IPO5: variants seen among roughly 807,000 people sequenced by gnomAD.
IPO5 encodes importin-5.
Under a neutral mutation model 143.3 loss-of-function variants are expected in IPO5, and 18 were observed. That is an observed-to-expected ratio of 0.13 (90% CI 0.09 to 0.19). The LOEUF (loss-of-function observed/expected upper bound fraction) is 0.19. Among genes scored for constraint, IPO5 ranks in the 10% least tolerant of loss-of-function variants. The probability of loss-of-function intolerance (pLI) is 1.00; values close to 1 mark genes in which losing one functional copy is unlikely to be tolerated. For synonymous variants in IPO5, 477 were observed against 465.7 expected (o/e 1.02, Z -0.31); for missense variants, 1,013 against 1,336.9 (o/e 0.76, Z 3.78).
chr13:97,981,267 C>T, intron 4 of IPO5: 1 of 456,250 alleles, frequency 2.2e-6, no homozygotes, highest in Non-Finnish European at 4.4e-6. Context: ...AAGTTTGAAA[C>T]CTGTGTAGCA....
Position 97,956,880 on chromosome 13 carries a change from T to G in IPO5, c.-113+2682T>G, listed in dbSNP as rs1042299416. Among the ~76,000 whole-genome samples, 5 of 152,298 alleles carry G rather than the reference T, an allele frequency of 3.3e-5. No individual in the cohort carries two copies. In the East Asian group the frequency reaches 9.7e-4, roughly 29 times the overall value. On this transcript the variant is annotated intron_variant, in intron 2 of 28. Coordinates refer to ENST00000651721, the MANE Select transcript of IPO5 (RefSeq NM_002271.6). ...CGGGACCAAATACCAAAATTCCTAT[T>G]TTAAGCTGTATTAAGATTTTCTAAA...
intron 2 of IPO5, among the ~76,000 whole-genome samples, chr13:97,967,766 G>A (rs1885472044): frequency 6.6e-6 from 1 of 151,978 alleles, no homozygotes; most frequent in East Asian, 1.9e-4. Flanking sequence ...CAAGTAGCTG[G>A]GACTACAGGT....
intron 2 of IPO5, among the ~76,000 whole-genome samples, chr13:97,967,720 C>T (rs1365393289): frequency 3.3e-5 from 5 of 152,090 alleles, no homozygotes; most frequent in Admixed American, 3.3e-4. Flanking sequence ...CAAGCTCCGC[C>T]TCCCGGGTTC....
At chr13:98,017,647 G>A (rs1890215309) in intron 25 of IPO5, among the ~76,000 whole-genome samples, 1 of 152,020 alleles carries the variant, frequency 6.6e-6, no homozygotes, top group African/African-American at 2.4e-5. Context: ...AAATTGAACA[G>A]GAGGTACAGA....
chr13:97,993,055 C>T, intron 10 of IPO5, 41 bp downstream of exon 10: 1 of 1,611,014 alleles, frequency 6.2e-7, no homozygotes, highest in South Asian at 1.1e-5. Flanking sequence ...TTGTTATTTT[C>T]AGGGACTAAT....
Position 97,962,405 on chromosome 13 carries a change from T to A in IPO5, c.-112-7318T>A, listed in dbSNP as rs1884963991. Among the ~76,000 whole-genome samples, 3 of 152,200 alleles carry A rather than the reference T, an allele frequency of 2.0e-5. 1 individual carries two copies. The highest frequency in any genetic ancestry group is 2.0e-4 in the Admixed American group (3 of 15,276). The stretch of plus-strand genomic sequence containing the variant: ...ACTTTGAAGTTTTTATGACGTGAAG[T>A]ATGGGTCCAGCTTCATTCTAACGCA... On this transcript the variant is annotated intron_variant, in intron 2 of 28. Transcript: ENST00000651721.
chr13:97,973,084 C>T (rs925516185), intron 3 of IPO5, among the ~76,000 whole-genome samples: 2 of 140,556 alleles, frequency 1.4e-5, no homozygotes, highest in Non-Finnish European at 3.0e-5. Flanking sequence ...ACTCTGTCAC[C>T]CATGCTGTAG....
In IPO5 at chr13:98,014,099, G is replaced by A. The variant is rs750385684; in HGVS notation, c.2210G>A (p.Arg737His). The A allele has an allele frequency of 2.5e-6, 4 of 1,613,918 alleles. No homozygotes were observed. Among genetic ancestry groups the A allele is most frequent in the South Asian group, 1.1e-5 (1 of 91,070 alleles). The change falls in exon 22 of 29, where the codon CGT becomes CAT. Residue 737 changes from arginine to histidine, a missense_variant. Transcript: ENST00000651721. ...CTTCTCCTGGAGTGTGCAAGAGTCC[G>A]TGGTCCTGAGTATCTCACACAGATG... ...MPLLLECARVRGPEYLTQMWH... is the reference protein window; with the variant it reads ...MPLLLECARVHGPEYLTQMWH...
intron 11 of IPO5, among the ~76,000 whole-genome samples, 180 bp downstream of exon 11, chr13:97,993,405 G>T (rs1454414363): frequency 6.6e-6 from 1 of 152,212 alleles, no homozygotes; most frequent in Non-Finnish European, 1.5e-5. Context: ...TTGTGGTTAT[G>T]CCTTTAAGAC....
Position 98,024,076 on chromosome 13 carries a change from T to A in IPO5, c.*2254T>A, listed in dbSNP as rs1890638060. The A allele has an allele frequency of 6.6e-6, 1 of 152,218 alleles. No homozygotes were observed. The highest frequency in any genetic ancestry group is 2.1e-4 in the South Asian group (1 of 4,834). 9.4% of individuals were successfully genotyped at this position (152,218 alleles called of 1,614,324 possible). The stretch of plus-strand genomic sequence containing the variant: ...GGAGGGGAAAAATGTGTGTGGCTCT[T>A]ACGTTTTCTGGGAATTTTGTAACAA... On this transcript the variant is annotated 3_prime_UTR_variant, in exon 29 of 29. Transcript: ENST00000651721.
intron 21 of IPO5, 65 bp from the exon 22 acceptor site, chr13:98,013,977 C>A: frequency 1.4e-6 from 2 of 1,421,914 alleles, no homozygotes; most frequent in African/African-American, 1.4e-5. Flanking sequence ...CCTTTTAGTG[C>A]ATTGAACCCT....
intron 6 of IPO5, 104 bp from the exon 7 acceptor site, chr13:97,988,958 C>A: frequency 9.9e-6 from 5 of 506,706 alleles, no homozygotes; most frequent in East Asian, 3.5e-5. Flanking sequence ...TGACATTTTT[C>A]ACTACTCCAG....
intron 5 of IPO5, among the ~76,000 whole-genome samples, chr13:97,984,966 G>T (rs2090016861): frequency 6.6e-6 from 1 of 152,216 alleles, no homozygotes; most frequent in South Asian, 2.1e-4. Flanking sequence ...TTGCATGAAA[G>T]AAGCATTTTA....
intron 3 of IPO5, among the ~76,000 whole-genome samples, chr13:97,972,167 A>G (rs990875979): frequency 3.3e-5 from 5 of 152,322 alleles, no homozygotes; most frequent in African/African-American, 1.2e-4. Flanking sequence ...GAGACCCGAG[A>G]CAACTTAAAA....
intron 28 of IPO5, 28 bp downstream of exon 28, chr13:98,021,161 G>A: frequency 6.4e-7 from 1 of 1,568,800 alleles, no homozygotes; most frequent in African/African-American, 1.4e-5. Flanking sequence ...AATTGGGGAG[G>A]GGGAGATAAA....
rs1172863199 is a variant in IPO5 at position 98,005,198 on chromosome 13, C to CT, written c.1498-919dup. The stretch of plus-strand genomic sequence containing the variant: ...AGGTGTGAGTCACCGTGCCTGGCTT[C>CT]TTTTTTTTTTTTTCCCCAGACAGAG... On this transcript the variant is annotated intron_variant, in intron 16 of 28. Coordinates refer to ENST00000651721, the MANE Select transcript of IPO5 (RefSeq NM_002271.6). Among the ~76,000 whole-genome samples, 169 of 142,814 alleles carry CT rather than the reference C, an allele frequency of 1.2e-3. 1 individual carries two copies. Among genetic ancestry groups the CT allele is most frequent in the South Asian group, 1.8e-3 (8 of 4,524 alleles). 93.7% of individuals were successfully genotyped at this position (142,814 alleles called of 152,430 possible).
At chr13:97,982,820 A>G (rs1043691028) in intron 5 of IPO5, among the ~76,000 whole-genome samples, 3 of 152,222 alleles carry the variant, frequency 2.0e-5, no homozygotes, top group African/African-American at 7.2e-5. Flanking sequence ...GGGTAGATGA[A>G]GATTAATGGT....
At chr13:97,966,487 T>C (rs1462655897) in intron 2 of IPO5, among the ~76,000 whole-genome samples, 1 of 152,212 alleles carries the variant, frequency 6.6e-6, no homozygotes, top group Admixed American at 6.5e-5. Context: ...TTAATCATGG[T>C]AGATAATCCT....
At chr13:98,004,891 T>TTGTA (rs976888337) in intron 16 of IPO5, among the ~76,000 whole-genome samples, 2 of 151,650 alleles carry the variant, frequency 1.3e-5, no homozygotes, top group Admixed American at 6.6e-5. Flanking sequence ...TTTTATTTTA[T>TTGTA]TTTATTTATT....
Sources: gnomAD v4.1 joint callset for allele counts (sites outside exome capture counted in the v4.1 genomes callset) on GRCh38, gnomAD v4.1.1 for gene constraint, MANE v1.5 for transcripts, NCBI Gene and HGNC (gene_info 2026-07-23, HGNC 2026-07-21) for gene names.